Variants in ITGAE observed in about 807,000 individuals in gnomAD.
ITGAE encodes integrin alpha-E.
A neutral mutation model predicts 136.5 loss-of-function variants in ITGAE; 99 were observed. The ratio of observed to expected loss-of-function variants is 0.73; its 90% confidence interval spans 0.62 to 0.86. ITGAE has a LOEUF of 0.86. ITGAE is among the 40% of genes least tolerant of loss of function. The probability of loss-of-function intolerance (pLI) is 0.00; values close to 1 mark genes in which losing one functional copy is unlikely to be tolerated. For synonymous variants in ITGAE, 613 were observed against 591.8 expected (o/e 1.04, Z -0.52); for missense variants, 1,447 against 1,515.3 (o/e 0.95, Z 0.75).
At chr17:3,795,926 C>T (rs1442120093) in intron 1 of ITGAE, among the ~76,000 whole-genome samples, 1 of 125,084 alleles carries the variant, frequency 8.0e-6, no homozygotes, top group African/African-American at 3.3e-5. Context: ...CGTGTGTGTG[C>T]ATCCGTGTGT....
chr17:3,800,980 A>G lies in ITGAE; in HGVS notation c.34+131T>C, dbSNP rs2053244941. The G allele has an allele frequency of 2.3e-5, 24 of 1,040,254 alleles. 1 individual carries two copies. The South Asian group carries it at 3.3e-4, about 14-fold the overall frequency. The allele number at this position is 1,040,254 out of a possible 1,614,324, so 64.4% of individuals were successfully genotyped here. A position where few individuals can be genotyped will look rare whatever the true frequency, so the allele number is the denominator to read the frequency against. Reference sequence around the variant, plus strand: ...CCGAGCAAGACTCCTTTCCTGGAGGAGCTGCCACTCTCTAACCTCTGGCTC... The same window carrying G: ...CCGAGCAAGACTCCTTTCCTGGAGGGGCTGCCACTCTCTAACCTCTGGCTC... On this transcript the variant is annotated intron_variant, in intron 1 of 30. Transcript: ENST00000263087.
At chr17:3,751,589 C>A (rs2051868234) in intron 15 of ITGAE, 61 bp downstream of exon 15, 1 of 1,489,116 alleles carries the variant, frequency 6.7e-7, no homozygotes, top group South Asian at 1.1e-5. Flanking sequence ...GGGCTTGGGT[C>A]ATCATATCTG....
At chr17:3,770,544 A>G (rs1294615600) in intron 2 of ITGAE, among the ~76,000 whole-genome samples, 3 of 152,170 alleles carry the variant, frequency 2.0e-5, no homozygotes, top group African/African-American at 7.2e-5. Flanking sequence ...AATGTGAGTG[A>G]GAGGCACACG....
At chr17:3,762,613 T>C (rs896394958) in intron 3 of ITGAE, among the ~76,000 whole-genome samples, 1 of 147,868 alleles carries the variant, frequency 6.8e-6, no homozygotes, top group Admixed American at 6.7e-5. Flanking sequence ...TTTTTTTTTT[T>C]TTGAGACAGA....
intron 19 of ITGAE, 50 bp downstream of exon 19, chr17:3,743,439 T>TCG: frequency 6.6e-7 from 1 of 1,519,090 alleles, no homozygotes; most frequent in Non-Finnish European, 8.8e-7. Context: ...AGGTGGTTTC[T>TCG]GTGGGATAGG....
chr17:3,753,547 T>G, intron 13 of ITGAE, 117 bp from the exon 14 acceptor site: 1 of 1,317,854 alleles, frequency 7.6e-7, no homozygotes, highest in Non-Finnish European at 1.0e-6. Context: ...ACATATCAAT[T>G]TGCTCACTGA....
At chr17:3,777,761 T>A in intron 1 of ITGAE, 101 bp from the exon 2 acceptor site, 1 of 1,354,418 alleles carries the variant, frequency 7.4e-7, no homozygotes, top group South Asian at 1.4e-5. Context: ...CTGAGAAAAG[T>A]GAGACTGCCC....
At chr17:3,741,244 A>ATT (rs34606637) in intron 19 of ITGAE, among the ~76,000 whole-genome samples, 13 of 136,732 alleles carry the variant, frequency 9.5e-5, no homozygotes, top group African/African-American at 3.3e-4. Context: ...CGCCCAGCTA[A>ATT]TTTTTTTTTT....
intron 1 of ITGAE, among the ~76,000 whole-genome samples, chr17:3,793,841 T>C (rs1232105150): frequency 2.0e-5 from 3 of 152,090 alleles, no homozygotes; most frequent in African/African-American, 7.2e-5. Context: ...CCACTGCACC[T>C]GGCCCCCTTT....
chr17:3,753,728 G>T (rs1395405781), intron 13 of ITGAE, 55 bp downstream of exon 13: 2 of 1,600,402 alleles, frequency 1.2e-6, no homozygotes, highest in South Asian at 2.2e-5. Context: ...TTTCCCTTGG[G>T]GGCCTCCAGA....
intron 26 of ITGAE, chr17:3,724,903 T>C (rs1325055721): frequency 1.2e-6 from 2 of 1,613,574 alleles, no homozygotes; most frequent in Non-Finnish European, 1.7e-6. Context: ...AAGGGCCGCA[T>C]TGTGCCAAGG....
chr17:3,774,951 T>G (rs1443429877), intron 2 of ITGAE, among the ~76,000 whole-genome samples: 42 of 152,186 alleles, frequency 2.8e-4, no homozygotes, highest in Non-Finnish European at 5.9e-5. Flanking sequence ...CTTGCTTCTT[T>G]TTTTTTTGAG....
At position 3,723,845 on chromosome 17, in the gene ITGAE, C is replaced by A. The variant is rs867308587; in HGVS notation, c.3085-101G>T. 8 of 1,537,856 alleles carry A rather than the reference C, an allele frequency of 5.2e-6. No individual in the cohort carries two copies. The Middle Eastern group carries it at 5.6e-4, about 108-fold the overall frequency. ...CTGGCGAGGTGCGCATGCGCAGGGC[C>A]GGGAGCTAGGACCCCGCGGCAGGCG... On this transcript the variant is annotated intron_variant, in intron 26 of 30. Transcript: ENST00000263087.
intron 19 of ITGAE, among the ~76,000 whole-genome samples, chr17:3,742,870 T>A (rs749017699): frequency 1.3e-5 from 2 of 152,196 alleles, no homozygotes; most frequent in Non-Finnish European, 2.9e-5. Context: ...CAGGCTGGTA[T>A]CGAACTCCTG....
intron 14 of ITGAE, among the ~76,000 whole-genome samples, chr17:3,752,435 A>C (rs905233628): frequency 6.6e-6 from 1 of 152,166 alleles, no homozygotes; most frequent in Non-Finnish European, 1.5e-5. Context: ...CCTGGACTAA[A>C]CGGGCTTTGC....
At chr17:3,790,520 A>G (rs1209499304) in intron 1 of ITGAE, among the ~76,000 whole-genome samples, 1 of 151,904 alleles carries the variant, frequency 6.6e-6, no homozygotes. Context: ...AAACACACAC[A>G]CACACACACA....
At chr17:3,785,495 G>GAA (rs1567557090) in intron 1 of ITGAE, among the ~76,000 whole-genome samples, 1 of 125,418 alleles carries the variant, frequency 8.0e-6, no homozygotes, top group Non-Finnish European at 1.6e-5. Context: ...AAGGAAGGAA[G>GAA]GAGGAAGGAA....
chr17:3,721,089 G>C (rs1379268240), intron 28 of ITGAE, among the ~76,000 whole-genome samples: 2 of 148,494 alleles, frequency 1.3e-5, no homozygotes, highest in African/African-American at 5.0e-5. Context: ...CCACCACACT[G>C]GGCTAATTTT....
In ITGAE at chr17:3,745,199, C is replaced by T. The variant is rs577464731; in HGVS notation, c.2319+565G>A. ...TGTTCACTTTTTTGATGCCAACTGACATTCAGGCCCTCGGTCCTAGTTATT... is the reference window on the plus strand; with the variant it reads ...TGTTCACTTTTTTGATGCCAACTGATATTCAGGCCCTCGGTCCTAGTTATT... On this transcript the variant is annotated intron_variant, in intron 18 of 30. Transcript: ENST00000263087. Among the ~76,000 whole-genome samples the T allele has an allele frequency of 1.0e-3, 152 of 152,228 alleles. 2 individuals carry two copies. The highest frequency in any genetic ancestry group is 3.6e-3 in the African/African-American group (148 of 41,540).
Sources: gnomAD v4.1 joint callset for allele counts (sites outside exome capture counted in the v4.1 genomes callset) on GRCh38, gnomAD v4.1.1 for gene constraint, MANE v1.5 for transcripts, NCBI Gene and HGNC (gene_info 2026-07-23, HGNC 2026-07-21) for gene names.